Variants in DCAF6 observed in about 807,000 individuals in gnomAD.
The protein encoded by DCAF6 is DDB1 and CUL4 associated factor 6.
A neutral mutation model predicts 125.1 loss-of-function variants in DCAF6; 54 were observed. That is an observed-to-expected ratio of 0.43 (90% CI 0.35 to 0.54). DCAF6 has a LOEUF of 0.54. Ranked by LOEUF, DCAF6 falls within the 20% of genes least tolerant of loss-of-function variation. The probability of loss-of-function intolerance (pLI) is 0.01; values close to 1 mark genes in which losing one functional copy is unlikely to be tolerated. For missense variants in DCAF6, 934 were observed against 1,161.7 expected (o/e 0.80, Z 2.85); for synonymous variants, 371 against 390.4 (o/e 0.95, Z 0.58).
At chr1:167,981,141 A>G (rs527674065) in intron 4 of DCAF6, among the ~76,000 whole-genome samples, 4 of 152,138 alleles carry the variant, frequency 2.6e-5, no homozygotes, top group African/African-American at 9.6e-5. Flanking sequence ...TCCTGAGCTC[A>G]GGTAATCTGC....
intron 2 of DCAF6, among the ~76,000 whole-genome samples, chr1:167,954,666 A>G: frequency 6.6e-6 from 1 of 151,346 alleles, no homozygotes; most frequent in East Asian, 2.0e-4. Flanking sequence ...GTTAGCCAGG[A>G]TGGTCTCGAT....
the DCAF6 span, among the ~76,000 whole-genome samples, chr1:167,911,325 AAT>A: frequency 6.6e-6 from 1 of 152,382 alleles, no homozygotes; most frequent in South Asian, 2.1e-4. Context: ...AACATTCTTA[AAT>A]ATCTGCTAGC....
chr1:168,039,016 T>A (rs1018030604), intron 13 of DCAF6, among the ~76,000 whole-genome samples: 2 of 152,208 alleles, frequency 1.3e-5, no homozygotes, highest in South Asian at 4.1e-4. Flanking sequence ...TAATAGTCCA[T>A]CAAGTAGATG....
At chr1:167,938,305 G>C (rs918859778) in intron 1 of DCAF6, among the ~76,000 whole-genome samples, 1 of 152,034 alleles carries the variant, frequency 6.6e-6, no homozygotes, top group Non-Finnish European at 1.5e-5. Flanking sequence ...CTGAGTGCAT[G>C]GTGTCATATT....
chr1:167,867,315 C>T, the DCAF6 span, among the ~76,000 whole-genome samples: 1 of 152,148 alleles, frequency 6.6e-6, no homozygotes, highest in Non-Finnish European at 1.5e-5. Context: ...GCTGACTGGT[C>T]CACGCACGGC....
intron 10 of DCAF6, among the ~76,000 whole-genome samples, chr1:168,007,962 CTTTTTTTT>C (rs35185748): frequency 5.9e-5 from 4 of 67,480 alleles, no homozygotes; most frequent in African/African-American, 1.3e-4. Context: ...TGTTGTACAT[CTTTTTTTT>C]TTTTTTTTTT....
At chr1:167,874,661 G>T in the DCAF6 span, among the ~76,000 whole-genome samples, 1 of 152,124 alleles carries the variant, frequency 6.6e-6, no homozygotes, top group Non-Finnish European at 1.5e-5. Flanking sequence ...AAAGACTTGT[G>T]TAAGAATGTT....
At chr1:167,880,691 G>C in the DCAF6 span, 1 of 1,065,736 alleles carries the variant, frequency 9.4e-7, no homozygotes. Context: ...ACAGAGAGCC[G>C]GCGGCAATTT....
chr1:167,893,926 G>A, the DCAF6 span: 1 of 1,613,106 alleles, frequency 6.2e-7, no homozygotes, highest in Non-Finnish European at 8.5e-7. Flanking sequence ...CAGCGTGCAT[G>A]CAAGCCTCAG....
At chr1:167,985,188 T>TGTGTGTGTGTGTGTGTGTGTGTG (rs1679785323) in intron 4 of DCAF6, among the ~76,000 whole-genome samples, 2 of 144,158 alleles carry the variant, frequency 1.4e-5, no homozygotes, top group South Asian at 4.2e-4. Flanking sequence ...CCACGTCGTG[T>TGTGTGTGTGTGTGTGTGTGTGTG]GTGTGTGTGT....
intron 17 of DCAF6, chr1:168,055,852 C>A: frequency 8.1e-7 from 1 of 1,238,560 alleles, no homozygotes. Flanking sequence ...TTTAAGACAA[C>A]TCTGCTGGCT....
At chr1:168,033,793 T>C (rs546008441) in intron 12 of DCAF6, among the ~76,000 whole-genome samples, 319 of 152,354 alleles carry the variant, frequency 2.1e-3, no homozygotes, top group African/African-American at 7.4e-3. Flanking sequence ...CACTCTAAGC[T>C]GCTGATGTCA....
At chr1:167,974,244 T>G (rs998462146) in intron 3 of DCAF6, among the ~76,000 whole-genome samples, 11 of 152,156 alleles carry the variant, frequency 7.2e-5, no homozygotes, top group African/African-American at 2.7e-4. Context: ...CAGTTATTTT[T>G]CCTCTCAATT....
rs7520219 is a variant in DCAF6, at chr1:167,982,533, T to A, written c.439-4962T>A. 3.9e-3 allele frequency among the ~76,000 whole-genome samples: 593 copies of A among 152,248 alleles called. 3 individuals are homozygous for A. Among genetic ancestry groups the A allele is most frequent in the Non-Finnish European group, 5.4e-3 (369 of 68,002 alleles). The stretch of plus-strand genomic sequence containing the variant: ...TGAGATTACAGGCATGACATTTTTT[T>A]AAGTTCTTTGTGGATTCTGGATATT... On this transcript the variant is annotated intron_variant, in intron 4 of 21. Transcript: ENST00000367840.
At chr1:167,938,656 A>G (rs1483095449) in intron 1 of DCAF6, among the ~76,000 whole-genome samples, 2 of 152,264 alleles carry the variant, frequency 1.3e-5, no homozygotes, top group Non-Finnish European at 2.9e-5. Flanking sequence ...TTTTAGCTTA[A>G]TAAAACAAAC....
the DCAF6 span, among the ~76,000 whole-genome samples, chr1:167,930,232 A>G: frequency 7.9e-5 from 12 of 152,208 alleles, no homozygotes; most frequent in Non-Finnish European, 1.6e-4. Flanking sequence ...CTGAAAATAC[A>G]CTTTGGTTTG....
rs1281107550 is a variant in DCAF6 at position 167,966,404 on chromosome 1, T to C, written c.160-225T>C. ...GATTTTTTTGCTATTTATTTTTAGC[T>C]CATCAGCTATTGTTAGTGTTAGTGT... is the stretch of plus-strand genomic sequence containing the variant. On this transcript the variant is annotated intron_variant, in intron 2 of 21. Transcript: ENST00000367840. Among the ~76,000 whole-genome samples the C allele has an allele frequency of 2.0e-5, 3 of 152,352 alleles. No individual in the cohort carries two copies. In the East Asian group the frequency reaches 5.8e-4, roughly 29 times the overall value.
rs571981462 is a variant in DCAF6, at chr1:168,030,553, A to G, written c.1609+7506A>G. Among the ~76,000 whole-genome samples, 5 of 152,334 alleles carry G rather than the reference A, an allele frequency of 3.3e-5. No homozygotes were observed. In the East Asian group the frequency reaches 9.6e-4, roughly 29 times the overall value. ...TCACTTACGAAGTTCTCCTGGTAATAGAGATTTTGATCTGGTGATAAAAGT... is the reference window on the plus strand; with the variant it reads ...TCACTTACGAAGTTCTCCTGGTAATGGAGATTTTGATCTGGTGATAAAAGT... On this transcript the variant is annotated intron_variant, in intron 12 of 21. Transcript: ENST00000367840.
At chr1:167,939,411 T>C (rs1671886990) in intron 1 of DCAF6, among the ~76,000 whole-genome samples, 1 of 152,178 alleles carries the variant, frequency 6.6e-6, no homozygotes, top group African/African-American at 2.4e-5. Context: ...GGCGATAAAA[T>C]GACTTTATCA....
Sources: gnomAD v4.1 joint callset for allele counts (sites outside exome capture counted in the v4.1 genomes callset) on GRCh38, gnomAD v4.1.1 for gene constraint, MANE v1.5 for transcripts, NCBI Gene and HGNC (gene_info 2026-07-23, HGNC 2026-07-21) for gene names.